Variants in HAT1 observed in about 807,000 individuals in gnomAD.
HAT1 encodes histone acetyltransferase type B catalytic subunit.
A neutral mutation model predicts 56.6 loss-of-function variants in HAT1; 20 were observed. That is an observed-to-expected ratio of 0.35 (90% CI 0.25 to 0.51). The LOEUF (loss-of-function observed/expected upper bound fraction) is 0.51, where lower values mean the gene tolerates loss of function less well. Ranked by LOEUF, HAT1 falls within the 20% of genes least tolerant of loss-of-function variation. The pLI is 0.95. For missense variants in HAT1, 408 were observed against 504.3 expected, an observed-to-expected ratio of 0.81 and a Z score of 1.83; for synonymous variants, 146 against 165.5, an observed-to-expected ratio of 0.88 and a Z score of 0.91.
intron 3 of HAT1, among the ~76,000 whole-genome samples, chr2:171,950,635 G>A (rs1389533594): frequency 6.6e-6 from 1 of 151,714 alleles, no homozygotes; most frequent in African/African-American, 2.4e-5. Context: ...TCTCGAGTAG[G>A]TGGGACTATA....
intron 6 of HAT1, 180 bp downstream of exon 6, chr2:171,966,088 A>G: frequency 1.6e-6 from 1 of 608,692 alleles, no homozygotes; most frequent in South Asian, 2.1e-5. Context: ...ATAGAGCTGA[A>G]TTAAATGCTG....
At chr2:171,957,961 G>A (rs949959206) in intron 4 of HAT1, among the ~76,000 whole-genome samples, 6 of 152,142 alleles carry the variant, frequency 3.9e-5, no homozygotes, top group African/African-American at 1.4e-4. Flanking sequence ...CTCTGCAGAA[G>A]TAGCAGTTCC....
chr2:171,981,925 A>C (rs1203481648), intron 10 of HAT1, among the ~76,000 whole-genome samples: 2 of 152,200 alleles, frequency 1.3e-5, no homozygotes, highest in African/African-American at 4.8e-5. Flanking sequence ...TTGGGCACAG[A>C]GAGCAGTATA....
chr2:171,939,894 C>G (rs1686977067), intron 2 of HAT1, among the ~76,000 whole-genome samples: 1 of 151,846 alleles, frequency 6.6e-6, no homozygotes, highest in Non-Finnish European at 1.5e-5. Context: ...TGAGCTCAAG[C>G]AGTTCTGCCT....
chr2:171,939,149 C>T (rs1686952616), intron 2 of HAT1, among the ~76,000 whole-genome samples: 1 of 152,176 alleles, frequency 6.6e-6, no homozygotes. Context: ...GTCACGGATC[C>T]ATTCCTTCCC....
intron 4 of HAT1, among the ~76,000 whole-genome samples, chr2:171,961,994 T>C (rs1244553916): frequency 6.6e-6 from 1 of 152,108 alleles, no homozygotes; most frequent in Admixed American, 6.6e-5. Context: ...CTACTTAACG[T>C]GCCTTTAATT....
At chr2:171,936,756 A>G (rs1053280949) in intron 2 of HAT1, among the ~76,000 whole-genome samples, 1 of 152,116 alleles carries the variant, frequency 6.6e-6, no homozygotes, top group African/African-American at 2.4e-5. Flanking sequence ...TTGTTTTTCA[A>G]TTTAGCATGG....
chr2:171,938,070 CTCTCTT>C (rs1234463102), intron 2 of HAT1, among the ~76,000 whole-genome samples: 157 of 131,456 alleles, frequency 1.2e-3, no homozygotes, highest in African/African-American at 2.0e-3. Flanking sequence ...CTCTCTCTCT[CTCTCTT>C]TAAATGAACT....
chr2:171,932,856 C>G (rs1249327914), intron 2 of HAT1, among the ~76,000 whole-genome samples: 2 of 151,892 alleles, frequency 1.3e-5, no homozygotes, highest in South Asian at 4.1e-4. Flanking sequence ...GTGACAGAGC[C>G]AGACGCTGTC....
intron 8 of HAT1, among the ~76,000 whole-genome samples, chr2:171,974,192 AG>A (rs1289374010): frequency 0.071 from 7,236 of 102,062 alleles, 359 homozygotes; most frequent in African/African-American, 0.13. Context: ...AAAAAAAAAA[AG>A]AAAAAAAGAA....
intron 2 of HAT1, among the ~76,000 whole-genome samples, chr2:171,934,885 A>G (rs1267919321): frequency 6.6e-6 from 1 of 150,394 alleles, no homozygotes; most frequent in Non-Finnish European, 1.5e-5. Context: ...CCTCCCAAGT[A>G]GTTGGGATTA....
intron 2 of HAT1, among the ~76,000 whole-genome samples, chr2:171,932,336 A>G (rs763022155): frequency 1.4e-4 from 21 of 152,150 alleles, no homozygotes; most frequent in Non-Finnish European, 2.5e-4. Context: ...AAGAATTTGT[A>G]TAAGACTGCA....
At chr2:171,981,697 A>C (rs1427579806) in intron 10 of HAT1, among the ~76,000 whole-genome samples, 2 of 152,168 alleles carry the variant, frequency 1.3e-5, no homozygotes, top group African/African-American at 4.8e-5. Context: ...GTGTCATTTC[A>C]TTGCAGTTTA....
chr2:171,940,944 CTAGGGT>C (rs1687003937), intron 2 of HAT1, among the ~76,000 whole-genome samples: 1 of 152,064 alleles, frequency 6.6e-6, no homozygotes, highest in Non-Finnish European at 1.5e-5. Flanking sequence ...CTCATTTTGA[CTAGGGT>C]TAGCAAAAAG....
At chr2:171,968,397 C>G (rs756558211) in intron 8 of HAT1, among the ~76,000 whole-genome samples, 10 of 152,122 alleles carry the variant, frequency 6.6e-5, no homozygotes, top group Non-Finnish European at 1.3e-4. Flanking sequence ...TTTGTCTACT[C>G]TAGTGGGTAA....
intron 4 of HAT1, among the ~76,000 whole-genome samples, chr2:171,955,659 G>A (rs1687421360): frequency 6.6e-6 from 1 of 152,146 alleles, no homozygotes; most frequent in Non-Finnish European, 1.5e-5. Context: ...TGGACTGTTG[G>A]TTAGGGCTCA....
intron 3 of HAT1, among the ~76,000 whole-genome samples, chr2:171,947,286 G>A (rs1206459613): frequency 2.0e-5 from 3 of 151,960 alleles, no homozygotes; most frequent in East Asian, 1.9e-4. Flanking sequence ...ATAGGGTCTC[G>A]CTGTGTCACC....
intron 8 of HAT1, among the ~76,000 whole-genome samples, chr2:171,969,726 A>C (rs754342817): frequency 2.6e-5 from 4 of 152,166 alleles, no homozygotes; most frequent in Admixed American, 6.5e-5. Context: ...TAAAACTGGA[A>C]ATTTTTTTGC....
rs200949619 is a variant in HAT1, at chr2:171,922,469, C to G, written c.-32C>G. On this transcript the variant is annotated 5_prime_UTR_variant, in exon 1 of 11. Coordinates refer to ENST00000264108, the MANE Select transcript of HAT1 (RefSeq NM_003642.4). ...CCGGGAGCGCGCGGGTTGATTCGTC[C>G]TTCCTCAGCCGCGGGTGATCGTAGC... 31 of 1,318,046 alleles carry G rather than the reference C, an allele frequency of 2.4e-5. No homozygotes were observed. Among genetic ancestry groups the G allele is most frequent in the Non-Finnish European group, 2.9e-5 (30 of 1,024,168 alleles). 81.6% of individuals were successfully genotyped at this position (1,318,046 alleles called of 1,614,324 possible).
Sources: allele counts gnomAD v4.1 joint callset (sites outside exome capture counted in the v4.1 genomes callset), GRCh38; gene constraint gnomAD v4.1.1; transcripts MANE v1.5; gene names NCBI Gene and HGNC (gene_info 2026-07-23, HGNC 2026-07-21).